Variants in NFIX observed in about 807,000 individuals in gnomAD.
NFIX encodes the protein nuclear factor 1 X-type.
In NFIX, 2 loss-of-function variants were observed where a neutral mutation model predicts 53.3. The observed-to-expected ratio is 0.04, with a 90% CI of 0.02 to 0.12. The LOEUF is 0.12. Ranked by LOEUF, NFIX falls within the 10% of genes least tolerant of loss-of-function variation. The probability of loss-of-function intolerance (pLI) is 1.00; values close to 1 mark genes in which losing one functional copy is unlikely to be tolerated. For missense variants in NFIX, 310 were observed against 674.5 expected (o/e 0.46, Z 5.99); for synonymous variants, 244 against 289.0 (o/e 0.84, Z 1.58).
chr19:13,050,997 C>A (rs1226006706), intron 2 of NFIX, among the ~76,000 whole-genome samples: 1 of 152,188 alleles, frequency 6.6e-6, no homozygotes, highest in African/African-American at 2.4e-5. Flanking sequence ...CCCAAAGCAG[C>A]CTCCAGGTCC....
chr19:13,053,533 C>T (rs2015456742), intron 2 of NFIX, among the ~76,000 whole-genome samples: 1 of 152,124 alleles, frequency 6.6e-6, no homozygotes. Context: ...TGCCCTCAGA[C>T]AGTCCACCTG....
intron 1 of NFIX, among the ~76,000 whole-genome samples, chr19:13,018,165 T>C (rs903900075): frequency 2.0e-5 from 3 of 152,132 alleles, no homozygotes; most frequent in Non-Finnish European, 2.9e-5. Flanking sequence ...TTAGAGAGAA[T>C]AGATTGTCTC....
chr19:13,042,355 C>CTTTTTTT (rs35785662), intron 2 of NFIX, among the ~76,000 whole-genome samples: 3 of 100,572 alleles, frequency 3.0e-5, no homozygotes, highest in East Asian at 3.1e-4. Context: ...CTTTTACATG[C>CTTTTTTT]TTTTTTTTTT....
At position 13,006,275 on chromosome 19, in the gene NFIX, G is replaced by A. The variant is rs2012010220; in HGVS notation, c.27+10411G>A. Reference sequence around the variant, plus strand: ...AACGCTGCCTTGCTATAGCTCAAGTGCAGCCCACCAGGCCCCTTTCTCTCT... The same window carrying A: ...AACGCTGCCTTGCTATAGCTCAAGTACAGCCCACCAGGCCCCTTTCTCTCT... On this transcript the variant is annotated intron_variant, in intron 1 of 10. Coordinates refer to ENST00000592199, the MANE Select transcript of NFIX (RefSeq NM_001365902.3). The surrounding 1 kb of genome is among the most constrained non-coding windows in gnomAD (Gnocchi z 5.6). Among the ~76,000 whole-genome samples, 1 of 152,172 alleles carries A rather than the reference G, an allele frequency of 6.6e-6. No individual in the cohort carries two copies. The highest frequency in any genetic ancestry group is 2.1e-4 in the South Asian group (1 of 4,832).
rs1019830972 is a variant in NFIX, at chr19:13,012,348, G to C, written c.28-12673G>C. ...TTCTCAATGATCCCTCCCAGGCACCGTAGGCCCTCTAGTGGGTCTGGGTGG... is the reference window on the plus strand; with the variant it reads ...TTCTCAATGATCCCTCCCAGGCACCCTAGGCCCTCTAGTGGGTCTGGGTGG... On this transcript the variant is annotated intron_variant, in intron 1 of 10. Transcript: ENST00000592199. This position sits in a 1 kb window ranked among gnomAD's most constrained non-coding sequence, Gnocchi z 5.0. 2 of 152,226 alleles carry C rather than the reference G, an allele frequency of 1.3e-5. No homozygotes were observed. The highest frequency in any genetic ancestry group is 2.9e-5 in the Non-Finnish European group (2 of 68,036). The allele number at this position is 152,226 out of a possible 1,614,324, so 9.4% of individuals were successfully genotyped here. A position where few individuals can be genotyped will look rare whatever the true frequency, so the allele number is the denominator to read the frequency against.
intron 2 of NFIX, among the ~76,000 whole-genome samples, chr19:13,064,780 A>C (rs567781849): frequency 2.0e-5 from 3 of 152,206 alleles, no homozygotes; most frequent in Non-Finnish European, 4.4e-5. Flanking sequence ...GGGAGGTGGC[A>C]TTTGAACAGA....
intron 1 of NFIX, among the ~76,000 whole-genome samples, chr19:13,003,813 A>G (rs894764916): frequency 6.6e-6 from 1 of 151,980 alleles, no homozygotes; most frequent in East Asian, 1.9e-4. Flanking sequence ...TAATTTTTAA[A>G]TTTTTTTGTA....
At chr19:12,999,902 A>T (rs906289321) in intron 1 of NFIX, among the ~76,000 whole-genome samples, 1 of 152,138 alleles carries the variant, frequency 6.6e-6, no homozygotes, top group Non-Finnish European at 1.5e-5. Flanking sequence ...GCCCTGCCTG[A>T]TTCATGCCCA....
At chr19:13,031,453 T>A (rs1330623023) in intron 2 of NFIX, among the ~76,000 whole-genome samples, 1 of 152,196 alleles carries the variant, frequency 6.6e-6, no homozygotes, top group Non-Finnish European at 1.5e-5. Flanking sequence ...AAGGACTTCC[T>A]GAGAACTTGG....
rs1364596651 is a variant in NFIX, at chr19:13,072,223, G to A, written c.560-824G>A. 6.6e-6 allele frequency among the ~76,000 whole-genome samples: 1 copy of A among 152,226 alleles called. No individual in the cohort carries two copies. The highest frequency in any genetic ancestry group is 2.4e-5 in the African/African-American group (1 of 41,456). On this transcript the variant is annotated intron_variant, in intron 2 of 10. Transcript: ENST00000592199. The surrounding 1 kb of genome is among the most constrained non-coding windows in gnomAD (Gnocchi z 4.0). ...GGCACACAAAGCTTTGAGGACCAGG[G>A]GGACCAGGGTGGGGGGCTTTCCCAA... is the stretch of plus-strand genomic sequence containing the variant.
Position 13,010,654 on chromosome 19 carries a change from T to C in NFIX, c.28-14367T>C, listed in dbSNP as rs61409430. ...CTTTCGAGCACAGGTACTCGAGCCCTGCGCCCCAACGGGGAGCTCCAGGTG... is the reference window on the plus strand; with the variant it reads ...CTTTCGAGCACAGGTACTCGAGCCCCGCGCCCCAACGGGGAGCTCCAGGTG... On this transcript the variant is annotated intron_variant, in intron 1 of 10. Coordinates refer to ENST00000592199, the MANE Select transcript of NFIX (RefSeq NM_001365902.3). Among the ~76,000 whole-genome samples the C allele has an allele frequency of 2.2e-3, 336 of 152,354 alleles. 1 individual carries two copies. The highest frequency in any genetic ancestry group is 7.7e-3 in the African/African-American group (320 of 41,586).
rs2013237448 is a variant in NFIX at position 13,025,223 on chromosome 19, C to G, written c.230C>G (p.Ala77Gly). ...IKQKWASRLLAKLRKDIRPEF... is the reference protein window; with the variant it reads ...IKQKWASRLLGKLRKDIRPEF... ...CAGAAGTGGGCATCCCGGCTGCTGG[C>G]CAAGCTGCGCAAGGACATCCGGCCC... The change falls in exon 2 of 11, where the codon GCC (alanine) becomes GGC (glycine). Residue 77 changes from alanine (A) to glycine (G), a missense_variant. This residue lies in a region of NFIX where 64 missense variants were observed against 144.5 expected (regional missense o/e 0.44). Coordinates refer to ENST00000592199, the MANE Select transcript of NFIX (RefSeq NM_001365902.3). The surrounding 1 kb of genome is among the most constrained non-coding windows in gnomAD (Gnocchi z 7.5). The G allele has an allele frequency of 1.9e-6, 3 of 1,614,170 alleles. No homozygotes were observed. Among genetic ancestry groups the G allele is most frequent in the African/African-American group, 1.3e-5 (1 of 75,052 alleles).
In NFIX at chr19:13,067,483, C is replaced by CGT. The variant is rs3982404; in HGVS notation, c.560-5543_560-5542dup. ...GCGCGCGTGTGTGTGTGTGTGTGTG[C>CGT]GTGTGTGTGTGTGTGTGTGTGTATG... On this transcript the variant is annotated intron_variant, in intron 2 of 10. Transcript: ENST00000592199. The surrounding 1 kb of genome is among the most constrained non-coding windows in gnomAD (Gnocchi z 4.2). Among the ~76,000 whole-genome samples, 408 of 147,418 alleles carry CGT rather than the reference C, an allele frequency of 2.8e-3. 1 individual carries two copies. Among genetic ancestry groups the CGT allele is most frequent in the Admixed American group, 3.4e-3 (51 of 14,792 alleles).
intron 2 of NFIX, among the ~76,000 whole-genome samples, chr19:13,059,777 CTTTTTT>C (rs35128120): frequency 8.3e-5 from 5 of 60,336 alleles, no homozygotes; most frequent in Non-Finnish European, 1.5e-4. Flanking sequence ...AATTAGAATT[CTTTTTT>C]TTTTTTTTTT....
At chr19:13,075,068 TAAAA>T (rs57860606) in intron 5 of NFIX, among the ~76,000 whole-genome samples, 5 of 73,682 alleles carry the variant, frequency 6.8e-5, no homozygotes, top group South Asian at 5.9e-4. Flanking sequence ...AGACTCCATC[TAAAA>T]AAAAAAAAAA....
At position 13,057,076 on chromosome 19, in the gene NFIX, C is replaced by T. The variant is rs137982309; in HGVS notation, c.560-15971C>T. Among the ~76,000 whole-genome samples the T allele has an allele frequency of 2.8e-3, 430 of 152,360 alleles. 1 individual carries two copies. Among genetic ancestry groups the T allele is most frequent in the South Asian group, 8.5e-3 (41 of 4,830 alleles). The stretch of plus-strand genomic sequence containing the variant: ...GAGGGAACAGAATGAGAATGGATCA[C>T]ACCTTCAGTGCTTAGAGAGTCTCAG... On this transcript the variant is annotated intron_variant, in intron 2 of 10. Coordinates refer to ENST00000592199, the MANE Select transcript of NFIX (RefSeq NM_001365902.3).
intron 2 of NFIX, among the ~76,000 whole-genome samples, chr19:13,057,353 A>G (rs1480760361): frequency 6.6e-6 from 1 of 152,116 alleles, no homozygotes; most frequent in African/African-American, 2.4e-5. Context: ...CCCCCAAATT[A>G]CTGGCTGGGA....
intron 2 of NFIX, among the ~76,000 whole-genome samples, chr19:13,061,608 C>CGCCGCTCCCTGAGCCGT (rs1243672488): frequency 6.6e-6 from 1 of 152,196 alleles, no homozygotes; most frequent in Non-Finnish European, 1.5e-5. Context: ...TCCTGAGCCG[C>CGCCGCTCCCTGAGCCGT]GCCGCTCCCT....
At chr19:13,016,919 C>G (rs1268913054) in intron 1 of NFIX, among the ~76,000 whole-genome samples, 1 of 152,112 alleles carries the variant, frequency 6.6e-6, no homozygotes, top group Non-Finnish European at 1.5e-5. Context: ...TCTCTTCGCC[C>G]CCCAAAAATA....
Sources: allele counts gnomAD v4.1 joint callset (sites outside exome capture counted in the v4.1 genomes callset), GRCh38; gene constraint gnomAD v4.1.1; regional missense constraint gnomAD v4.1.1; non-coding constraint Gnocchi (gnomAD v3.1); transcripts MANE v1.5; gene names NCBI Gene and HGNC (gene_info 2026-07-23, HGNC 2026-07-21).